OSBPL9: variants seen among roughly 807,000 people sequenced by gnomAD.
OSBPL9 encodes oxysterol-binding protein-related protein 9.
OSBPL9 carries 40 observed loss-of-function variants against 106.6 expected under a neutral mutation model. That is an observed-to-expected ratio of 0.38 (90% CI 0.29 to 0.49). The LOEUF is 0.49. Ranked by LOEUF, OSBPL9 falls within the 20% of genes least tolerant of loss-of-function variation. The probability of loss-of-function intolerance (pLI) is 0.97; values close to 1 mark genes in which losing one functional copy is unlikely to be tolerated. For synonymous variants in OSBPL9, 269 were observed against 295.4 expected, an observed-to-expected ratio of 0.91 and a Z score of 0.92; for missense variants, 609 against 887.2, an observed-to-expected ratio of 0.69 and a Z score of 3.98.
upstream of OSBPL9, among the ~76,000 whole-genome samples, chr1:51,615,183 T>G (rs1644022241): frequency 6.6e-6 from 1 of 151,928 alleles, no homozygotes; most frequent in South Asian, 2.1e-4. Context: ...ACTTGGGAGG[T>G]GGAGGTTGCA....
intron 3 of OSBPL9, among the ~76,000 whole-genome samples, chr1:51,678,141 C>A (rs1216380323): frequency 2.6e-5 from 4 of 152,116 alleles, no homozygotes; most frequent in Non-Finnish European, 5.9e-5. Flanking sequence ...TAGGATCACA[C>A]CACTGCACTT....
the OSBPL9 span, among the ~76,000 whole-genome samples, chr1:51,562,485 G>C: frequency 1.3e-5 from 2 of 152,062 alleles, no homozygotes; most frequent in Non-Finnish European, 2.9e-5. Flanking sequence ...CCCAGTCTCA[G>C]GTATTTCTTT....
intron 3 of OSBPL9, among the ~76,000 whole-genome samples, chr1:51,676,532 G>T (rs1373675747): frequency 1.3e-5 from 2 of 151,748 alleles, no homozygotes; most frequent in Non-Finnish European, 2.9e-5. Context: ...GTGGTGATGT[G>T]CCTGTAATCC....
intron 3 of OSBPL9, among the ~76,000 whole-genome samples, chr1:51,672,359 T>G (rs1446089833): frequency 6.6e-6 from 1 of 152,202 alleles, no homozygotes; most frequent in Admixed American, 6.5e-5. Flanking sequence ...GAGGTGTAAT[T>G]AACATACAAT....
chr1:51,568,849 A>G, the OSBPL9 span, among the ~76,000 whole-genome samples: 1 of 152,252 alleles, frequency 6.6e-6, no homozygotes, highest in South Asian at 2.1e-4. Flanking sequence ...CCTGCCTGGT[A>G]TTACAGGTGC....
At chr1:51,772,780 G>T in intron 14 of OSBPL9, 57 bp downstream of exon 14, 1 of 1,120,440 alleles carries the variant, frequency 8.9e-7, no homozygotes. Flanking sequence ...CAGTGATTGC[G>T]TGGTGAGTGT....
intron 3 of OSBPL9, among the ~76,000 whole-genome samples, chr1:51,687,932 C>T (rs1654164878): frequency 6.6e-6 from 1 of 152,194 alleles, no homozygotes; most frequent in African/African-American, 2.4e-5. Context: ...GAGCTTACTG[C>T]AGAGGCTCTG....
chr1:51,682,482 G>A (rs756580915), intron 3 of OSBPL9, among the ~76,000 whole-genome samples: 9 of 152,030 alleles, frequency 5.9e-5, no homozygotes, highest in Non-Finnish European at 1.3e-4. Context: ...ATGTGTGGCC[G>A]GGTGCGGTGT....
At chr1:51,750,404 G>T (rs1668987635) in intron 8 of OSBPL9, among the ~76,000 whole-genome samples, 1 of 152,166 alleles carries the variant, frequency 6.6e-6, no homozygotes, top group South Asian at 2.1e-4. Flanking sequence ...AGCTGGGAAG[G>T]AGGGGAGCAT....
the OSBPL9 span, among the ~76,000 whole-genome samples, chr1:51,535,978 T>C: frequency 1.2e-4 from 18 of 152,018 alleles, no homozygotes; most frequent in Non-Finnish European, 5.9e-5. Context: ...TGTGTGGGCA[T>C]ATGCCTACAT....
the OSBPL9 span, among the ~76,000 whole-genome samples, chr1:51,553,179 G>A: frequency 2.6e-5 from 4 of 151,916 alleles, no homozygotes; most frequent in African/African-American, 9.7e-5. Context: ...AGGAGGCCGG[G>A]GAAGCTGGTA....
At chr1:51,597,747 A>C (rs1345106597) in intron 1 of OSBPL9, among the ~76,000 whole-genome samples, 3 of 152,214 alleles carry the variant, frequency 2.0e-5, no homozygotes, top group Non-Finnish European at 4.4e-5. Flanking sequence ...GGCTCTAAAA[A>C]TAAGAGCCTC....
At chr1:51,608,410 A>G (rs1244665731) in intron 2 of OSBPL9, among the ~76,000 whole-genome samples, 1 of 152,016 alleles carries the variant, frequency 6.6e-6, no homozygotes, top group East Asian at 1.9e-4. Context: ...CTCTTGCCTC[A>G]GCCTCCCCAG....
the OSBPL9 span, among the ~76,000 whole-genome samples, chr1:51,564,396 T>G: frequency 1.3e-5 from 2 of 152,176 alleles, no homozygotes; most frequent in Admixed American, 6.5e-5. Context: ...TAGGTCCCTC[T>G]TCTTGAAGGC....
At chr1:51,526,714 A>G in the OSBPL9 span, among the ~76,000 whole-genome samples, 1 of 151,862 alleles carries the variant, frequency 6.6e-6, no homozygotes, top group African/African-American at 2.4e-5. Context: ...TAAGCACCCA[A>G]TCAGGAATCT....
intron 2 of OSBPL9, among the ~76,000 whole-genome samples, chr1:51,660,158 C>T (rs997529332): frequency 6.6e-6 from 1 of 151,900 alleles, no homozygotes; most frequent in African/African-American, 2.4e-5. Flanking sequence ...CTCTTTACCC[C>T]ATGTGATACA....
the OSBPL9 span, chr1:51,538,642 C>T: frequency 6.6e-6 from 1 of 152,162 alleles, no homozygotes. Context: ...TAGAATGCTT[C>T]ACAGATGTGT....
At chr1:51,609,766 A>G (rs1252222546) in intron 2 of OSBPL9, among the ~76,000 whole-genome samples, 1 of 134,922 alleles carries the variant, frequency 7.4e-6, no homozygotes, top group East Asian at 2.1e-4. Flanking sequence ...TTTTTTTTTT[A>G]GACGGAGTTT....
At chr1:51,634,928 T>C (rs1645333854) in intron 1 of OSBPL9, among the ~76,000 whole-genome samples, 1 of 152,190 alleles carries the variant, frequency 6.6e-6, no homozygotes, top group South Asian at 2.1e-4. Context: ...TGAGACTTTT[T>C]CACTACCACA....
Sources: gnomAD v4.1 joint callset for allele counts (sites outside exome capture counted in the v4.1 genomes callset) on GRCh38, gnomAD v4.1.1 for gene constraint, MANE v1.5 for transcripts, NCBI Gene and HGNC (gene_info 2026-07-23, HGNC 2026-07-21) for gene names.